The following NAV2 variants were observed in gnomAD, a reference collection of about 807,000 sequenced individuals.
The protein encoded by NAV2 is helicase, APC down-regulated 1.
A neutral mutation model predicts 223.2 loss-of-function variants in NAV2; 54 were observed. The observed-to-expected ratio is 0.24, with a 90% CI of 0.19 to 0.30. The LOEUF (loss-of-function observed/expected upper bound fraction) is 0.30. Among genes scored for constraint, NAV2 ranks in the 10% least tolerant of loss-of-function variants. NAV2 has a pLI of 1.00. For missense variants in NAV2, 2,806 were observed against 3,147.5 expected (o/e 0.89, Z 2.60); for synonymous variants, 1,279 against 1,239.3 (o/e 1.03, Z -0.67).
chr11:19,497,605 A>C (rs1247990986), intron 1 of NAV2, among the ~76,000 whole-genome samples: 2 of 152,324 alleles, frequency 1.3e-5, no homozygotes, highest in African/African-American at 4.8e-5. Context: ...AAACAGCTGC[A>C]GGCCTTGGCC....
chr11:19,715,934 TG>T (rs1433212337), intron 1 of NAV2, among the ~76,000 whole-genome samples: 6 of 152,200 alleles, frequency 3.9e-5, no homozygotes, highest in African/African-American at 1.4e-4. Context: ...CCAGGGGTTC[TG>T]GGGGCTCTTC....
At chr11:19,394,471 G>T (rs569847615) in intron 1 of NAV2, among the ~76,000 whole-genome samples, 1 of 152,302 alleles carries the variant, frequency 6.6e-6, no homozygotes, top group African/African-American at 2.4e-5. Flanking sequence ...GGCGCATAGT[G>T]GTCAATGTAA....
intron 6 of NAV2, among the ~76,000 whole-genome samples, chr11:19,919,088 G>A (rs766074811): frequency 2.0e-5 from 3 of 152,100 alleles, no homozygotes; most frequent in Admixed American, 6.6e-5. Context: ...AACATGCAAC[G>A]TTGTGGTTAT....
At chr11:19,495,975 G>A (rs1016271152) in intron 1 of NAV2, among the ~76,000 whole-genome samples, 1 of 152,050 alleles carries the variant, frequency 6.6e-6, no homozygotes, top group African/African-American at 2.4e-5. Context: ...TGGATTTGGG[G>A]ATCACATCAT....
Position 19,832,617 on chromosome 11 carries a change from A to G in NAV2, c.385+16A>G, listed in dbSNP as rs771998458. On this transcript the variant is annotated intron_variant, in intron 2 of 37. Coordinates refer to ENST00000349880, the MANE Select transcript of NAV2 (RefSeq NM_145117.5). ...CAGGTTGTGGGTAAGAGCAGATTTT[A>G]CCTTGGGGGTAATGAGTTACAGTGG... 1.2e-6 allele frequency: 2 copies of G among 1,604,864 alleles called. No individual in the cohort carries two copies. Among genetic ancestry groups the G allele is most frequent in the Non-Finnish European group, 1.7e-6 (2 of 1,171,688 alleles).
At chr11:19,851,113 T>C (rs2061094629) in intron 3 of NAV2, among the ~76,000 whole-genome samples, 1 of 152,202 alleles carries the variant, frequency 6.6e-6, no homozygotes, top group African/African-American at 2.4e-5. Context: ...TTCCTAAAAC[T>C]CTATGAGAGC....
intron 6 of NAV2, among the ~76,000 whole-genome samples, chr11:19,900,588 C>G (rs1482014284): frequency 6.6e-6 from 1 of 152,066 alleles, no homozygotes; most frequent in Non-Finnish European, 1.5e-5. Flanking sequence ...CAAGTCCATC[C>G]AGCTTAAAAG....
intron 12 of NAV2, among the ~76,000 whole-genome samples, chr11:20,039,569 C>A (rs1275832683): frequency 6.6e-6 from 1 of 152,262 alleles, no homozygotes; most frequent in East Asian, 1.9e-4. Flanking sequence ...TTTGTAGTCT[C>A]AAAGCAACTC....
chr11:19,505,218 G>A (rs952868944), intron 1 of NAV2: 26 of 152,248 alleles, frequency 1.7e-4, no homozygotes, highest in African/African-American at 6.0e-4. Flanking sequence ...GTTGAGCTTT[G>A]GAATGCAGAA....
intron 6 of NAV2, among the ~76,000 whole-genome samples, chr11:19,915,176 T>A (rs539059117): frequency 1.3e-5 from 2 of 152,348 alleles, no homozygotes; most frequent in South Asian, 4.1e-4. Context: ...CCTGACTTTT[T>A]CTAGCCACTG....
chr11:19,674,360 C>A (rs769174066), intron 1 of NAV2, among the ~76,000 whole-genome samples: 15 of 152,226 alleles, frequency 9.9e-5, no homozygotes, highest in Non-Finnish European at 1.8e-4. Context: ...TGGGTGCCAG[C>A]CTTTGGGCCA....
intron 1 of NAV2, among the ~76,000 whole-genome samples, chr11:19,723,285 T>C (rs572114990): frequency 3.3e-5 from 5 of 152,338 alleles, no homozygotes; most frequent in African/African-American, 9.6e-5. Context: ...TGAGCTGATA[T>C]TATTGAACTT....
At chr11:20,009,065 C>A (rs1218023833) in intron 11 of NAV2, among the ~76,000 whole-genome samples, 1 of 152,138 alleles carries the variant, frequency 6.6e-6, no homozygotes, top group East Asian at 1.9e-4. Context: ...ACACAGGCAT[C>A]AGTGAGACCT....
At chr11:19,470,051 C>T (rs147345929) in intron 1 of NAV2, among the ~76,000 whole-genome samples, 1 of 152,332 alleles carries the variant, frequency 6.6e-6, no homozygotes, top group East Asian at 1.9e-4. Flanking sequence ...GCAAAGACTC[C>T]CTGCTCCACT....
At chr11:20,106,175 A>ATATATATGTGTGTGTGTGTGTGTG (rs11267537) in intron 35 of NAV2, among the ~76,000 whole-genome samples, 372 of 35,774 alleles carry the variant, frequency 0.01, 99 homozygotes, top group Non-Finnish European at 0.015. Context: ...ATATATATAT[A>ATATATATGTGTGTGTGTGTGTGTG]TGTGTGTGTA....
chr11:19,949,021 C>G lies in NAV2; in HGVS notation c.2586C>G (p.Gly862=). 6.2e-7 allele frequency: 1 copy of G among 1,613,824 alleles called. No homozygotes were observed. The highest frequency in any genetic ancestry group is 8.5e-7 in the Non-Finnish European group (1 of 1,179,784). The change falls in exon 10 of 38, where the codon GGC becomes GGG. Residue 862 remains glycine (G), a synonymous_variant. Transcript: ENST00000349880. ...AAGGCATCAGCATGGATGCCCCCGG[C>G]TACATGAGCGACGGGGATGTTCTGA... is the stretch of plus-strand genomic sequence containing the variant. The part of the protein sequence containing the change: ...DLEGISMDAP[G]YMSDGDVLSK...
intron 1 of NAV2, among the ~76,000 whole-genome samples, chr11:19,697,838 A>C (rs2049394299): frequency 6.6e-6 from 1 of 152,212 alleles, no homozygotes; most frequent in Non-Finnish European, 1.5e-5. Context: ...CTCCGTGCTG[A>C]GTGGGGAGGA....
At chr11:20,054,649 A>G (rs921988619) in intron 18 of NAV2, among the ~76,000 whole-genome samples, 1 of 152,238 alleles carries the variant, frequency 6.6e-6, no homozygotes, top group Non-Finnish European at 1.5e-5. Flanking sequence ...CTGAAGAAAT[A>G]GATTTTATCG....
intron 1 of NAV2, among the ~76,000 whole-genome samples, chr11:19,663,790 G>T (rs1369689860): frequency 6.6e-6 from 1 of 152,090 alleles, no homozygotes; most frequent in Non-Finnish European, 1.5e-5. Context: ...AAAGTTCTCT[G>T]CAGAAAGAAC....
Sources: gnomAD v4.1 joint callset for allele counts (sites outside exome capture counted in the v4.1 genomes callset) on GRCh38, gnomAD v4.1.1 for gene constraint, MANE v1.5 for transcripts, NCBI Gene and HGNC (gene_info 2026-07-23, HGNC 2026-07-21) for gene names.